The following SAMD15 variants were observed in gnomAD, a reference collection of about 807,000 sequenced individuals.
SAMD15 encodes the protein sterile alpha motif domain-containing protein 15.
In SAMD15, 37 loss-of-function variants were observed where a neutral mutation model predicts 50.5. The observed-to-expected ratio is 0.73, with a 90% CI of 0.56 to 0.96. SAMD15 has a LOEUF of 0.96. Ranked by LOEUF, SAMD15 falls within the 40% of genes least tolerant of loss-of-function variation. The pLI is 0.00. For missense variants in SAMD15, 789 were observed against 783.8 expected, an observed-to-expected ratio of 1.01 and a Z score of -0.08; for synonymous variants, 255 against 282.8, an observed-to-expected ratio of 0.90 and a Z score of 0.99.
chr14:77,377,610 C>A lies in SAMD15; in HGVS notation c.192C>A (p.Phe64Leu). The change falls in exon 1 of 3, where the codon TTC becomes TTA. Residue 64 changes from phenylalanine (F) to leucine (L), a missense_variant. Phe to Leu is a conservative substitution (Grantham distance 22). This residue lies in a region of SAMD15 where 770 missense variants were observed against 745.4 expected (regional missense o/e 1.03). Transcript: ENST00000216471. The part of the protein sequence containing the change: ...EPQPETEEED[F>L]KEGEPDSAKN... The stretch of plus-strand genomic sequence containing the variant: ...AGCCAGAGACCGAGGAAGAGGACTT[C>A]AAAGAGGGGGAGCCAGACAGTGCTA... The A allele has an allele frequency of 1.2e-6, 2 of 1,614,052 alleles. No individual in the cohort carries two copies. The highest frequency in any genetic ancestry group is 1.3e-5 in the African/African-American group (1 of 74,986).
Position 77,378,802 on chromosome 14 carries a change from T to A in SAMD15, c.1384T>A (p.Leu462Ile), listed in dbSNP as rs61729326. ...SDKFRKEYYA[L>I]GSLRESEESI... is the part of the protein sequence containing the mutation. ...CAAATTTAGAAAAGAATATTACGCA[T>A]TAGGATCTCTCAGAGAAAGTGAAGA... Residue 462 changes from leucine (L) to isoleucine (I), a missense_variant, in exon 1 of 3, where the codon TTA becomes ATA. By Grantham distance (5) the Leu-to-Ile change is conservative. Transcript: ENST00000216471. 3.6e-3 allele frequency: 5,833 copies of A among 1,613,080 alleles called. 184 individuals are homozygous for A. In the African/African-American group the frequency reaches 0.068, roughly 19 times the overall value.
intron 2 of SAMD15, among the ~76,000 whole-genome samples, chr14:77,380,697 T>C (rs527977933): frequency 6.6e-6 from 1 of 152,232 alleles, no homozygotes; most frequent in South Asian, 2.1e-4. Flanking sequence ...ACTTACACCG[T>C]CTGGCTTTCT....
chr14:77,387,845 G>A (rs1226719985), intron 2 of SAMD15, among the ~76,000 whole-genome samples: 1 of 152,096 alleles, frequency 6.6e-6, no homozygotes, highest in African/African-American at 2.4e-5. Context: ...GAATCCAGGA[G>A]TTTGAGACCA....
rs552549017 is a variant in SAMD15, at chr14:77,382,425, AT to A, written c.1788+1949del. The stretch of plus-strand genomic sequence containing the variant: ...GGCGTGAGCCACCGCACCTAGCCTA[AT>A]TTTTGTATTTTTAATAGAGACAGGG... On this transcript the variant is annotated intron_variant, in intron 2 of 2. Transcript: ENST00000216471. Among the ~76,000 whole-genome samples the A allele has an allele frequency of 3.9e-3, 590 of 152,124 alleles. 7 individuals carry two copies. Among genetic ancestry groups the A allele is most frequent in the Non-Finnish European group, 4.0e-3 (269 of 67,984 alleles).
At position 77,391,373 on chromosome 14, in the gene SAMD15, G is replaced by A. The variant is rs1364113593; in HGVS notation, c.*129G>A. On this transcript the variant is annotated 3_prime_UTR_variant, in exon 3 of 3. Coordinates refer to ENST00000216471, the MANE Select transcript of SAMD15 (RefSeq NM_001010860.4). ...TTTTGAGACAGAGTCTTGCTCTGTCGCCCAGGCTGGAGTGCAATGGCACAG... is the reference window on the plus strand; with the variant it reads ...TTTTGAGACAGAGTCTTGCTCTGTCACCCAGGCTGGAGTGCAATGGCACAG... The A allele has an allele frequency of 4.9e-5, 30 of 609,936 alleles. No individual in the cohort carries two copies. Among genetic ancestry groups the A allele is most frequent in the South Asian group, 3.1e-4 (14 of 45,084 alleles). The allele number at this position is 609,936 out of a possible 1,614,324, so 37.8% of individuals were successfully genotyped here. A position where few individuals can be genotyped will look rare whatever the true frequency, so the allele number is the denominator to read the frequency against.
intron 2 of SAMD15, among the ~76,000 whole-genome samples, chr14:77,388,435 T>C (rs1407677725): frequency 1.4e-5 from 2 of 145,104 alleles, no homozygotes; most frequent in African/African-American, 5.3e-5. Flanking sequence ...GTGTTTGCTT[T>C]TGGAGACAGG....
chr14:77,379,783 C>A (rs1311071495), intron 1 of SAMD15, among the ~76,000 whole-genome samples: 2 of 152,148 alleles, frequency 1.3e-5, no homozygotes, highest in Non-Finnish European at 2.9e-5. Flanking sequence ...AGTGGCAGCT[C>A]CCTTGCTTTG....
chr14:77,386,093 C>T (rs1894002938), intron 2 of SAMD15, among the ~76,000 whole-genome samples: 1 of 151,990 alleles, frequency 6.6e-6, no homozygotes, highest in Non-Finnish European at 1.5e-5. Context: ...TGAGCTCAAG[C>T]AATCCACCCA....
At chr14:77,384,589 CT>C (rs1257406600) in intron 2 of SAMD15, among the ~76,000 whole-genome samples, 2 of 152,048 alleles carry the variant, frequency 1.3e-5, no homozygotes, top group Non-Finnish European at 2.9e-5. Flanking sequence ...CATGTCCTCC[CT>C]TTTTTTTAAA....
chr14:77,377,890 G>T lies in SAMD15; in HGVS notation c.472G>T (p.Asp158Tyr), dbSNP rs1474259405. 5 of 1,614,012 alleles carry T rather than the reference G, an allele frequency of 3.1e-6. No individual in the cohort carries two copies. Among genetic ancestry groups the T allele is most frequent in the African/African-American group, 2.7e-5 (2 of 74,924 alleles). Residue 158 changes from aspartate to tyrosine, a missense_variant, in exon 1 of 3, where the codon GAT becomes TAT. This residue lies in a region of SAMD15 where 770 missense variants were observed against 745.4 expected (regional missense o/e 1.03). Transcript: ENST00000216471. ...DVFLESAMETDPDPVPPTETM... is the reference protein window; with the variant it reads ...DVFLESAMETYPDPVPPTETM... Reference sequence around the variant, plus strand: ...GTTCCTAGAGTCAGCTATGGAAACAGATCCAGATCCAGTGCCACCAACGGA... The same window carrying T: ...GTTCCTAGAGTCAGCTATGGAAACATATCCAGATCCAGTGCCACCAACGGA...
intron 2 of SAMD15, among the ~76,000 whole-genome samples, chr14:77,389,104 A>G (rs1426863383): frequency 6.6e-6 from 1 of 152,068 alleles, no homozygotes; most frequent in Admixed American, 6.6e-5. Context: ...ACAAAACAAA[A>G]CAAAAAACAA....
chr14:77,383,238 TA>T (rs778557449), intron 2 of SAMD15, among the ~76,000 whole-genome samples: 1 of 152,092 alleles, frequency 6.6e-6, no homozygotes, highest in Admixed American at 6.6e-5. Context: ...TGCTTTCGCT[TA>T]AAAAAATAAT....
At chr14:77,382,931 G>C (rs971279569) in intron 2 of SAMD15, among the ~76,000 whole-genome samples, 1 of 124,914 alleles carries the variant, frequency 8.0e-6, no homozygotes, top group Non-Finnish European at 1.6e-5. Flanking sequence ...GGCCATGCTG[G>C]TCTCGACCTC....
chr14:77,391,154 TG>T lies in SAMD15; in HGVS notation c.1936del (p.Glu646AsnfsTer15), dbSNP rs1894068037. ...TAAAATCTGATTCCTTGACTTTATC[TG>T]AATTTGTCAAAGCAGCAGGATTACA... ...GIKSDSLTLSEFVKAAGLQDY... is the reference protein window; with the variant it reads ...GIKSDSLTLSXFVKAAGLQDY... On this transcript the variant is annotated frameshift_variant, in exon 3 of 3. Transcript: ENST00000216471. LOFTEE classifies it low-confidence loss of function (END_TRUNC). The T allele has an allele frequency of 6.2e-7, 1 of 1,613,914 alleles. No homozygotes were observed. The highest frequency in any genetic ancestry group is 1.7e-5 in the Admixed American group (1 of 60,016).
chr14:77,384,336 A>AT (rs1239054942), intron 2 of SAMD15, among the ~76,000 whole-genome samples: 1 of 151,922 alleles, frequency 6.6e-6, no homozygotes, highest in African/African-American at 2.4e-5. Flanking sequence ...ATTTATGGCC[A>AT]TTTTCTGTTA....
At chr14:77,379,221 A>G (rs1893913529) in intron 1 of SAMD15, 114 bp downstream of exon 1, 1 of 952,958 alleles carries the variant, frequency 1.0e-6, no homozygotes, top group Non-Finnish European at 1.6e-6. Context: ...AAAAAGTCCT[A>G]GACTGTGGTA....
chr14:77,379,043 AT>A lies in SAMD15; in HGVS notation c.1626del (p.Asn544IlefsTer14), dbSNP rs1189224544. ...PEKGTELQFEHLNWDPEEVAE... is the reference protein window; with the variant it reads ...PEKGTELQFEXLNWDPEEVAE... The stretch of plus-strand genomic sequence containing the variant: ...AAAGGGACTGAGTTACAATTTGAGC[AT>A]CTTAATTGGGATCCAGAGGAAGTTG... On this transcript the variant is annotated frameshift_variant, in exon 1 of 3. Transcript: ENST00000216471. LOFTEE classifies it high-confidence loss of function. The A allele has an allele frequency of 6.2e-7, 1 of 1,613,956 alleles. No individual in the cohort carries two copies. Among genetic ancestry groups the A allele is most frequent in the African/African-American group, 1.3e-5 (1 of 74,954 alleles).
intron 2 of SAMD15, among the ~76,000 whole-genome samples, chr14:77,389,496 ATTTTTTTTTT>A (rs768983521): frequency 9.0e-6 from 1 of 111,654 alleles, no homozygotes; most frequent in Non-Finnish European, 1.7e-5. Flanking sequence ...GGCAATCACA[ATTTTTTTTTT>A]TTTTTTTTTT....
intron 2 of SAMD15, among the ~76,000 whole-genome samples, chr14:77,384,268 C>G (rs1893980338): frequency 6.6e-6 from 1 of 152,138 alleles, no homozygotes; most frequent in Admixed American, 6.5e-5. Context: ...TCTGGACATG[C>G]TGCTAAGAAT....
Sources: allele counts gnomAD v4.1 joint callset (sites outside exome capture counted in the v4.1 genomes callset), GRCh38; gene constraint gnomAD v4.1.1; regional missense constraint gnomAD v4.1.1; transcripts MANE v1.5; gene names NCBI Gene and HGNC (gene_info 2026-07-23, HGNC 2026-07-21).